The following MITF variants were observed in gnomAD, a reference collection of about 807,000 sequenced individuals.
MITF encodes the protein microphthalmia-associated transcription factor.
MITF carries 17 observed loss-of-function variants against 60.5 expected under a neutral mutation model. The observed-to-expected ratio is 0.28, with a 90% CI of 0.19 to 0.42. The LOEUF is 0.42. Ranked by LOEUF, MITF falls within the 10% of genes least tolerant of loss-of-function variation. MITF has a pLI of 1.00. For missense variants in MITF, 622 were observed against 683.5 expected, an observed-to-expected ratio of 0.91 and a Z score of 1.00; for synonymous variants, 260 against 248.5, an observed-to-expected ratio of 1.05 and a Z score of -0.43.
At chr3:69,913,520 G>A (rs2065267248) in intron 2 of MITF, among the ~76,000 whole-genome samples, 1 of 152,148 alleles carries the variant, frequency 6.6e-6, no homozygotes, top group African/African-American at 2.4e-5. Flanking sequence ...CTGAGGTAAT[G>A]GAGCAGTGAC....
intron 2 of MITF, among the ~76,000 whole-genome samples, chr3:69,898,131 GCA>G (rs1253952788): frequency 6.6e-6 from 1 of 152,186 alleles, no homozygotes; most frequent in African/African-American, 2.4e-5. Context: ...CAGGAGAGGG[GCA>G]CAGAGTTTTG....
chr3:69,947,290 A>T (rs979954615), intron 5 of MITF, among the ~76,000 whole-genome samples: 1 of 152,188 alleles, frequency 6.6e-6, no homozygotes, highest in Non-Finnish European at 1.5e-5. Flanking sequence ...TTCTCAAAAG[A>T]TAGGGGAATA....
chr3:69,843,327 G>A (rs1185847262), intron 1 of MITF, among the ~76,000 whole-genome samples: 1 of 152,140 alleles, frequency 6.6e-6, no homozygotes, highest in African/African-American at 2.4e-5. Flanking sequence ...GGGGTCATTG[G>A]TTATAAAATA....
At chr3:69,894,327 G>C (rs1043722558) in intron 2 of MITF, among the ~76,000 whole-genome samples, 2 of 152,134 alleles carry the variant, frequency 1.3e-5, no homozygotes, top group Non-Finnish European at 2.9e-5. Flanking sequence ...TAAGTGTTTT[G>C]ATTCATTTGC....
intron 1 of MITF, among the ~76,000 whole-genome samples, chr3:69,801,936 A>G (rs1001758972): frequency 5.9e-5 from 9 of 152,134 alleles, no homozygotes; most frequent in African/African-American, 2.2e-4. Context: ...ATTTGTCTCT[A>G]TTCTGTGCCT....
At chr3:69,787,309 T>C (rs575459421) in intron 1 of MITF, among the ~76,000 whole-genome samples, 1 of 152,314 alleles carries the variant, frequency 6.6e-6, no homozygotes, top group African/African-American at 2.4e-5. Flanking sequence ...CAGGGTAGTT[T>C]CCAAAGTGAG....
chr3:69,835,747 G>A lies in MITF; in HGVS notation c.105-43387G>A, dbSNP rs557453077. ...TTAAGGAGACTGTCCTTTTCCTATTGAGTGTTTTTGGCACATTTGTAAAAA... is the reference window on the plus strand; with the variant it reads ...TTAAGGAGACTGTCCTTTTCCTATTAAGTGTTTTTGGCACATTTGTAAAAA... On this transcript the variant is annotated intron_variant, in intron 1 of 9. Transcript: ENST00000352241. 3.3e-5 allele frequency among the ~76,000 whole-genome samples: 5 copies of A among 152,208 alleles called. No individual in the cohort carries two copies. In the East Asian group the frequency reaches 9.7e-4, roughly 29 times the overall value.
intron 1 of MITF, among the ~76,000 whole-genome samples, chr3:69,808,042 C>G (rs1485968886): frequency 6.8e-6 from 1 of 148,090 alleles, no homozygotes; most frequent in Non-Finnish European, 1.5e-5. Flanking sequence ...GAGCATTGCT[C>G]AGAAAATGGC....
At chr3:69,778,407 A>G (rs985588246) in intron 1 of MITF, among the ~76,000 whole-genome samples, 1 of 152,218 alleles carries the variant, frequency 6.6e-6, no homozygotes, top group Non-Finnish European at 1.5e-5. Flanking sequence ...ATGAAATTAA[A>G]TTGCCAATTA....
chr3:69,770,834 C>A (rs560193014), intron 1 of MITF, among the ~76,000 whole-genome samples: 71 of 152,204 alleles, frequency 4.7e-4, no homozygotes, highest in African/African-American at 1.7e-3. Flanking sequence ...GTAGGAATGG[C>A]TTTTATTAGG....
At chr3:69,755,207 T>TA (rs1388891099) in intron 1 of MITF, among the ~76,000 whole-genome samples, 2 of 152,216 alleles carry the variant, frequency 1.3e-5, no homozygotes, top group Non-Finnish European at 2.9e-5. Flanking sequence ...AATAATGAGA[T>TA]ACACTAATTG....
intron 1 of MITF, among the ~76,000 whole-genome samples, chr3:69,748,195 A>T (rs1703801350): frequency 6.6e-6 from 1 of 152,206 alleles, no homozygotes; most frequent in Non-Finnish European, 1.5e-5. Flanking sequence ...TTTGGATTTT[A>T]GTAGCTGTGT....
intron 4 of MITF, among the ~76,000 whole-genome samples, 177 bp from the exon 5 acceptor site, chr3:69,941,059 G>A (rs1278400728): frequency 1.3e-5 from 2 of 152,118 alleles, no homozygotes; most frequent in African/African-American, 2.4e-5. Flanking sequence ...CGTGTTAATG[G>A]TCTTCAATAC....
chr3:69,825,053 A>C (rs1022332530), intron 1 of MITF, among the ~76,000 whole-genome samples: 4 of 152,064 alleles, frequency 2.6e-5, no homozygotes, highest in African/African-American at 9.7e-5. Flanking sequence ...TTGCTAGCTA[A>C]GTCTTGTTAT....
chr3:69,825,502 G>A (rs2063339923), intron 1 of MITF, among the ~76,000 whole-genome samples: 1 of 152,164 alleles, frequency 6.6e-6, no homozygotes, highest in Non-Finnish European at 1.5e-5. Flanking sequence ...TAGTGGATGA[G>A]TTCAGTTTCT....
chr3:69,965,651 AAG>A lies in MITF; in HGVS notation c.*405_*406del. 2 of 250,798 alleles carry A rather than the reference AAG, an allele frequency of 8.0e-6. No individual in the cohort carries two copies. Among genetic ancestry groups the A allele is most frequent in the Non-Finnish European group, 7.9e-6 (1 of 127,202 alleles). 15.5% of individuals were successfully genotyped at this position (250,798 alleles called of 1,614,324 possible). A position where few individuals can be genotyped will look rare whatever the true frequency, so the allele number is the denominator to read the frequency against. On this transcript the variant is annotated 3_prime_UTR_variant, in exon 10 of 10. Transcript: ENST00000352241. ...ATTGAAAGAATGTAAAGCAACCAAA[AAG>A]AAAAAAAAAAAGAAAGAAAGAGGAA... is the stretch of plus-strand genomic sequence containing the variant.
In MITF at chr3:69,873,821, C is replaced by T. The variant is rs139825289; in HGVS notation, c.105-5313C>T. Among the ~76,000 whole-genome samples, 389 of 152,242 alleles carry T rather than the reference C, an allele frequency of 2.6e-3. 4 individuals carry two copies. Among genetic ancestry groups the T allele is most frequent in the Non-Finnish European group, 1.8e-3 (124 of 68,014 alleles). ...TATTTTACTATTAGTTTCCAAACATCGGAATCAGTCAAGTGTCAGAATTGG... is the reference window on the plus strand; with the variant it reads ...TATTTTACTATTAGTTTCCAAACATTGGAATCAGTCAAGTGTCAGAATTGG... On this transcript the variant is annotated intron_variant, in intron 1 of 9. Coordinates refer to ENST00000352241, the MANE Select transcript of MITF (RefSeq NM_001354604.2).
chr3:69,906,380 G>A lies in MITF; in HGVS notation c.354+26997G>A, dbSNP rs192198832. 2.1e-3 allele frequency among the ~76,000 whole-genome samples: 320 copies of A among 152,166 alleles called. 2 individuals carry two copies. The highest frequency in any genetic ancestry group is 0.02 in the South Asian group (98 of 4,816). ...TAAGTCTTGGAGTCAAGTATTGTCTGACCTCCAAATTGTTTTTTGTTGTTT... is the reference window on the plus strand; with the variant it reads ...TAAGTCTTGGAGTCAAGTATTGTCTAACCTCCAAATTGTTTTTTGTTGTTT... On this transcript the variant is annotated intron_variant, in intron 2 of 9. Transcript: ENST00000352241.
chr3:69,959,280 C>G lies in MITF; in HGVS notation c.1039C>G (p.Arg347Gly), dbSNP rs1559751245. Residue 347 changes from arginine to glycine, a missense_variant, in exon 9 of 10, where the codon CGC becomes GGC. Around this residue, in one of 5 missense-constraint regions of MITF, gnomAD observed 31 missense variants for 74.8 expected, o/e 0.41. Transcript: ENST00000352241. ...LIPKSNDPDM[R>G]WNKGTILKAS... ...CCTCCATTTTCATCGCAGAGACATGCGCTGGAACAAGGGAACCATCTTAAA... is the reference window on the plus strand; with the variant it reads ...CCTCCATTTTCATCGCAGAGACATGGGCTGGAACAAGGGAACCATCTTAAA... The G allele has an allele frequency of 1.2e-6, 2 of 1,613,952 alleles. No individual in the cohort carries two copies. The highest frequency in any genetic ancestry group is 8.5e-7 in the Non-Finnish European group (1 of 1,179,948).
Sources: gnomAD v4.1 joint callset for allele counts (sites outside exome capture counted in the v4.1 genomes callset) on GRCh38, gnomAD v4.1.1 for gene constraint, gnomAD v4.1.1 regional missense constraint, MANE v1.5 for transcripts, NCBI Gene and HGNC (gene_info 2026-07-23, HGNC 2026-07-21) for gene names.